Variants in CADPS2 observed in about 807,000 individuals in gnomAD.
CADPS2 encodes the protein calcium-dependent secretion activator 2.
CADPS2 carries 93 observed loss-of-function variants against 172.5 expected under a neutral mutation model. That is an observed-to-expected ratio of 0.54 (90% CI 0.46 to 0.64). The LOEUF (loss-of-function observed/expected upper bound fraction) is 0.64, where lower values mean the gene tolerates loss of function less well. Among genes scored for constraint, CADPS2 ranks in the 30% least tolerant of loss-of-function variants. The probability of loss-of-function intolerance (pLI) is 0.00; values close to 1 mark genes in which losing one functional copy is unlikely to be tolerated. For missense variants in CADPS2, 1,420 were observed against 1,565.9 expected (o/e 0.91, Z 1.57); for synonymous variants, 546 against 555.2 (o/e 0.98, Z 0.23).
At chr7:122,603,133 C>T (rs1288826465) in intron 6 of CADPS2, among the ~76,000 whole-genome samples, 1 of 152,050 alleles carries the variant, frequency 6.6e-6, no homozygotes, top group Admixed American at 6.6e-5. Context: ...CAAGTCTTTT[C>T]CCTTCATAAC....
chr7:122,563,540 T>G (rs1056471887), intron 7 of CADPS2, among the ~76,000 whole-genome samples: 3 of 152,178 alleles, frequency 2.0e-5, no homozygotes, highest in African/African-American at 4.8e-5. Context: ...ACAGACACTT[T>G]CAATTTTATA....
intron 25 of CADPS2, among the ~76,000 whole-genome samples, chr7:122,367,750 TAA>T (rs2041161810): frequency 1.3e-5 from 1 of 75,826 alleles, no homozygotes. Flanking sequence ...CTTAAAACAA[TAA>T]AAGTTTATTA....
At chr7:122,649,925 T>C (rs1427123468) in intron 3 of CADPS2, among the ~76,000 whole-genome samples, 2 of 125,988 alleles carry the variant, frequency 1.6e-5, no homozygotes, top group African/African-American at 5.6e-5. Context: ...TTTTTTTTTT[T>C]TTGAGAGAGT....
At chr7:122,690,132 C>T (rs7792080) in intron 2 of CADPS2, among the ~76,000 whole-genome samples, 151,210 of 152,292 alleles carry the variant, frequency 0.99, 75,074 homozygotes, top group Non-Finnish European at 1. Context: ...CACAATGCTA[C>T]TGGAGCATGC....
chr7:122,830,330 T>A (rs1219473262), intron 1 of CADPS2, among the ~76,000 whole-genome samples: 2 of 152,116 alleles, frequency 1.3e-5, no homozygotes, highest in African/African-American at 4.8e-5. Flanking sequence ...ACAAATGGCA[T>A]TCCATTCATT....
At position 122,437,705 on chromosome 7, in the gene CADPS2, C is replaced by T. The variant is rs200688578; in HGVS notation, c.2476+636G>A. Among the ~76,000 whole-genome samples the T allele has an allele frequency of 5.8e-4, 88 of 151,784 alleles. 1 individual carries two copies. The East Asian group carries it at 0.016, about 27-fold the overall frequency. On this transcript the variant is annotated intron_variant, in intron 17 of 29. Coordinates refer to ENST00000449022, the MANE Select transcript of CADPS2 (RefSeq NM_017954.11). The stretch of plus-strand genomic sequence containing the variant: ...ACATAAATTAATGTGTTGAATAAAA[C>T]TGTTGAATAAAAGCTGATTTTGTGA...
At chr7:122,485,552 A>C (rs1034987595) in intron 11 of CADPS2, among the ~76,000 whole-genome samples, 3 of 152,234 alleles carry the variant, frequency 2.0e-5, no homozygotes, top group African/African-American at 7.2e-5. Flanking sequence ...CAAACTGTGA[A>C]GCCAGCAGAG....
intron 1 of CADPS2, among the ~76,000 whole-genome samples, chr7:122,867,691 C>A (rs566366080): frequency 4.6e-5 from 7 of 152,156 alleles, no homozygotes; most frequent in Non-Finnish European, 8.8e-5. Flanking sequence ...TTCTATAAAC[C>A]TGCATAGCAA....
chr7:122,526,615 A>G (rs962527808), intron 8 of CADPS2, among the ~76,000 whole-genome samples: 1 of 152,198 alleles, frequency 6.6e-6, no homozygotes, highest in African/African-American at 2.4e-5. Context: ...TGTCCCACAC[A>G]TTGTACAATT....
intron 8 of CADPS2, among the ~76,000 whole-genome samples, chr7:122,533,224 C>T: frequency 6.6e-6 from 1 of 151,970 alleles, no homozygotes; most frequent in South Asian, 2.1e-4. Context: ...CCAATAATAT[C>T]TTTATTAATA....
intron 1 of CADPS2, among the ~76,000 whole-genome samples, chr7:122,829,486 T>C (rs898512745): frequency 3.7e-4 from 57 of 152,210 alleles, no homozygotes; most frequent in Non-Finnish European, 1.5e-4. Context: ...TTCCTACTCT[T>C]GTGTGCAAAA....
Position 122,554,661 on chromosome 7 carries a change from G to T in CADPS2, c.1364C>A (p.Ser455Tyr). 1 of 1,608,612 alleles carries T rather than the reference G, an allele frequency of 6.2e-7. No homozygotes were observed. The highest frequency in any genetic ancestry group is 2.2e-5 in the East Asian group (1 of 44,592). ...RVILYPTSNS[S>Y]KSAELHRMVV... ...CATTCGGTGTAATTCAGCTGATTTG[G>T]AGCTATTAGAAGTTGGGTATAATAT... Residue 455 changes from serine (S) to tyrosine (Y), a missense_variant, in exon 8 of 30, where the codon TCC becomes TAC. Transcript: ENST00000449022.
intron 7 of CADPS2, among the ~76,000 whole-genome samples, chr7:122,579,009 A>G (rs1356543048): frequency 2.6e-5 from 4 of 152,288 alleles, no homozygotes; most frequent in Middle Eastern, 3.4e-3. Context: ...GATACAAGTC[A>G]TAAGTTCTAT....
intron 8 of CADPS2, among the ~76,000 whole-genome samples, chr7:122,552,600 G>A (rs192094720): frequency 1.4e-4 from 22 of 152,042 alleles, no homozygotes; most frequent in African/African-American, 4.1e-4. Flanking sequence ...GCTAAACCAA[G>A]GAACTGCCAG....
At chr7:122,562,186 T>A (rs550191100) in intron 7 of CADPS2, among the ~76,000 whole-genome samples, 14 of 152,164 alleles carry the variant, frequency 9.2e-5, no homozygotes, top group South Asian at 6.2e-4. Context: ...TCCCCAGGAC[T>A]TGTGAATATG....
At chr7:122,826,710 T>C (rs1032516005) in intron 1 of CADPS2, among the ~76,000 whole-genome samples, 3 of 151,830 alleles carry the variant, frequency 2.0e-5, no homozygotes, top group Admixed American at 2.0e-4. Flanking sequence ...GCAGAATAGA[T>C]GGGACAGGGG....
At chr7:122,330,583 A>G (rs1274053297) in intron 28 of CADPS2, 1 of 152,226 alleles carries the variant, frequency 6.6e-6, no homozygotes, top group Non-Finnish European at 1.5e-5. Flanking sequence ...GCATTTTGCA[A>G]GTTCTGAGTG....
chr7:122,528,941 T>C (rs2061514516), intron 8 of CADPS2, among the ~76,000 whole-genome samples: 1 of 152,108 alleles, frequency 6.6e-6, no homozygotes, highest in African/African-American at 2.4e-5. Flanking sequence ...TTTACATTTT[T>C]GAAAAAGAAA....
chr7:122,354,918 G>T (rs1261851664), intron 27 of CADPS2, among the ~76,000 whole-genome samples: 2 of 152,150 alleles, frequency 1.3e-5, no homozygotes, highest in African/African-American at 4.8e-5. Context: ...GAAGGACACA[G>T]TTCATCATCT....
Sources: allele counts gnomAD v4.1 joint callset (sites outside exome capture counted in the v4.1 genomes callset), GRCh38; gene constraint gnomAD v4.1.1; transcripts MANE v1.5; gene names NCBI Gene and HGNC (gene_info 2026-07-23, HGNC 2026-07-21).